Variants in CD59 observed in about 807,000 individuals in gnomAD.
CD59 encodes the protein CD59 glycoprotein.
CD59 carries 3 observed loss-of-function variants against 7.0 expected under a neutral mutation model. The ratio of observed to expected loss-of-function variants is 0.43; its 90% confidence interval spans 0.19 to 1.10. The LOEUF is 1.10. Among genes scored for constraint, CD59 ranks in the 50% least tolerant of loss-of-function variants. The pLI, the probability that CD59 is intolerant of heterozygous loss-of-function variation, is 0.29. For synonymous variants in CD59, 60 were observed against 62.0 expected (o/e 0.97, Z 0.15); for missense variants, 143 against 151.0 (o/e 0.95, Z 0.28).
At chr11:33,711,638 C>T (rs1017781119) in intron 3 of CD59, 13 of 498,298 alleles carry the variant, frequency 2.6e-5, no homozygotes, top group Non-Finnish European at 4.6e-5. Context: ...GATTGTACTG[C>T]TGCATTCCAG....
intron 1 of CD59, among the ~76,000 whole-genome samples, chr11:33,735,324 C>G (rs1327919759): frequency 6.6e-6 from 1 of 152,198 alleles, no homozygotes; most frequent in Non-Finnish European, 1.5e-5. Flanking sequence ...ATTGTTTTAC[C>G]CATCAAGTGC....
chr11:33,735,650 G>A (rs562364654), intron 1 of CD59, among the ~76,000 whole-genome samples: 1 of 152,134 alleles, frequency 6.6e-6, no homozygotes, highest in African/African-American at 2.4e-5. Context: ...GGGCGCGGTG[G>A]CTCACACCTG....
chr11:33,721,776 G>C lies in CD59; in HGVS notation c.67+603C>G, dbSNP rs570736495. Among the ~76,000 whole-genome samples the C allele has an allele frequency of 5.9e-5, 9 of 152,324 alleles. No homozygotes were observed. The South Asian group carries it at 1.9e-3, about 32-fold the overall frequency. On this transcript the variant is annotated intron_variant, in intron 2 of 3. Coordinates refer to ENST00000642928, the MANE Select transcript of CD59 (RefSeq NM_000611.6). ...GTTCACATTCCCGTGTACCACTTCTGTGTGTTATTTGACAAGTTATTAATT... is the reference window on the plus strand; with the variant it reads ...GTTCACATTCCCGTGTACCACTTCTCTGTGTTATTTGACAAGTTATTAATT...
intron 1 of CD59, chr11:33,723,053 G>A (rs1432815561): frequency 2.7e-6 from 2 of 747,570 alleles, no homozygotes; most frequent in Non-Finnish European, 3.3e-6. Context: ...GATAGCATCA[G>A]GTGAGAAGAA....
In CD59 at chr11:33,707,620, G is replaced by C. The variant is rs1853365822; in HGVS notation, c.*2506C>G. The C allele has an allele frequency of 6.6e-6, 1 of 152,238 alleles. No homozygotes were observed. The highest frequency in any genetic ancestry group is 2.4e-5 in the African/African-American group (1 of 41,450). The allele number at this position is 152,238 out of a possible 1,614,324, so 9.4% of individuals were successfully genotyped here. On this transcript the variant is annotated 3_prime_UTR_variant, in exon 4 of 4. Transcript: ENST00000642928. ...CACAGGGTATTGGCTCTCGAGCAGAGAGCCAGTAGGCATGACTGGTGTTCG... is the reference window on the plus strand; with the variant it reads ...CACAGGGTATTGGCTCTCGAGCAGACAGCCAGTAGGCATGACTGGTGTTCG...
intron 1 of CD59, among the ~76,000 whole-genome samples, chr11:33,728,673 G>A (rs1037460800): frequency 4.6e-5 from 7 of 152,174 alleles, no homozygotes; most frequent in African/African-American, 1.7e-4. Context: ...AGACAAATGG[G>A]ATCTAATTAA....
intron 1 of CD59, among the ~76,000 whole-genome samples, chr11:33,728,957 C>T (rs1854335895): frequency 6.6e-6 from 1 of 152,160 alleles, no homozygotes; most frequent in Non-Finnish European, 1.5e-5. Context: ...AAATCAAAAC[C>T]ACAATGAGAT....
chr11:33,733,365 C>T (rs1854473263), intron 1 of CD59: 1 of 152,214 alleles, frequency 6.6e-6, no homozygotes, highest in East Asian at 1.9e-4. Flanking sequence ...GCCTATAATC[C>T]CAGCACTTTG....
At chr11:33,722,323 A>C (rs139158170) in intron 2 of CD59, 56 bp downstream of exon 2, 2 of 1,283,900 alleles carry the variant, frequency 1.6e-6, no homozygotes, top group Non-Finnish European at 2.3e-6. Flanking sequence ...GAGGCTTAAG[A>C]AGGGAGTTCA....
chr11:33,716,761 C>T (rs1387897468), intron 3 of CD59, among the ~76,000 whole-genome samples: 1 of 152,218 alleles, frequency 6.6e-6, no homozygotes, highest in Admixed American at 6.5e-5. Context: ...TGCTCTGAGG[C>T]TACCGAGCCC....
At chr11:33,719,151 A>C (rs1025269947) in intron 2 of CD59, 1 of 152,212 alleles carries the variant, frequency 6.6e-6, no homozygotes, top group African/African-American at 2.4e-5. Flanking sequence ...TTTTCAGTGG[A>C]AAGTCCAGTG....
intron 1 of CD59, among the ~76,000 whole-genome samples, chr11:33,734,940 C>T (rs1033961506): frequency 3.3e-5 from 5 of 152,184 alleles, no homozygotes; most frequent in African/African-American, 1.2e-4. Flanking sequence ...TTTATTTAGG[C>T]TTTTATCTCC....
chr11:33,732,404 C>G (rs1854445973), intron 1 of CD59, among the ~76,000 whole-genome samples: 1 of 147,464 alleles, frequency 6.8e-6, no homozygotes, highest in African/African-American at 2.6e-5. Context: ...TCCTCCTGCT[C>G]CCGCCAAGTA....
chr11:33,726,062 A>G (rs1854248098), intron 1 of CD59, among the ~76,000 whole-genome samples: 1 of 152,198 alleles, frequency 6.6e-6, no homozygotes, highest in South Asian at 2.1e-4. Flanking sequence ...AGAGACTTAG[A>G]TTTCCACACA....
At chr11:33,731,225 T>C (rs1431324462) in intron 1 of CD59, among the ~76,000 whole-genome samples, 1 of 151,564 alleles carries the variant, frequency 6.6e-6, no homozygotes, top group Non-Finnish European at 1.5e-5. Flanking sequence ...TGTTTTAGGG[T>C]CAACTGTATA....
intron 2 of CD59, among the ~76,000 whole-genome samples, chr11:33,721,834 C>T (rs182114608): frequency 6.6e-6 from 1 of 152,180 alleles, no homozygotes; most frequent in Non-Finnish European, 1.5e-5. Flanking sequence ...GCTTGTAAAA[C>T]AAGGATAAAA....
Position 33,709,640 on chromosome 11 carries a change from T to G in CD59, c.*486A>C, listed in dbSNP as rs1488932086. The G allele has an allele frequency of 9.2e-6, 2 of 216,498 alleles. No individual in the cohort carries two copies. Among genetic ancestry groups the G allele is most frequent in the South Asian group, 7.8e-5 (1 of 12,802 alleles). The allele number at this position is 216,498 out of a possible 1,614,324, so 13.4% of individuals were successfully genotyped here. ...CATTAAGGATCTTGTTGTCCCTGAC[T>G]GACACCCACATATGGAACATTTGGC... On this transcript the variant is annotated 3_prime_UTR_variant, in exon 4 of 4. Transcript: ENST00000642928.
In CD59 at chr11:33,703,265, ACCCATAAACTGCTGT is replaced by A. The variant is rs1853169679; in HGVS notation, c.*6846_*6860del. 1.3e-5 allele frequency: 2 copies of A among 152,326 alleles called. No homozygotes were observed. Among genetic ancestry groups the A allele is most frequent in the South Asian group, 4.1e-4 (2 of 4,826 alleles). 9.4% of individuals were successfully genotyped at this position (152,326 alleles called of 1,614,324 possible). A position where few individuals can be genotyped will look rare whatever the true frequency, so the allele number is the denominator to read the frequency against. ...AGAAAACTCAAGTGCCACAATGAAC[ACCCATAAACTGCTGT>A]CAGGAGGCAAAGTCCCTATGAGGTA... On this transcript the variant is annotated 3_prime_UTR_variant, in exon 4 of 4. Transcript: ENST00000642928.
intron 2 of CD59, chr11:33,718,316 C>T (rs2133547507): frequency 6.6e-6 from 1 of 152,342 alleles, no homozygotes; most frequent in East Asian, 1.9e-4. Flanking sequence ...AACCCCATCT[C>T]TACTAAAAAT....
Sources: allele counts gnomAD v4.1 joint callset (sites outside exome capture counted in the v4.1 genomes callset), GRCh38; gene constraint gnomAD v4.1.1; transcripts MANE v1.5; gene names NCBI Gene and HGNC (gene_info 2026-07-23, HGNC 2026-07-21).